Variants in ANK1 observed in about 807,000 individuals in gnomAD.
ANK1 encodes ankyrin-1.
A neutral mutation model predicts 210.4 loss-of-function variants in ANK1; 51 were observed. That is an observed-to-expected ratio of 0.24 (90% CI 0.19 to 0.31). The LOEUF is 0.31. ANK1 is among the 10% of genes least tolerant of loss of function. The pLI is 1.00. For synonymous variants in ANK1, 967 were observed against 1,025.9 expected, an observed-to-expected ratio of 0.94 and a Z score of 1.10; for missense variants, 2,051 against 2,504.4, an observed-to-expected ratio of 0.82 and a Z score of 3.86.
At chr8:41,784,548 T>C (rs985011998) in intron 1 of ANK1, among the ~76,000 whole-genome samples, 1 of 152,258 alleles carries the variant, frequency 6.6e-6, no homozygotes, top group East Asian at 1.9e-4. Flanking sequence ...CTGACAAATA[T>C]GAAAGGCAAG....
chr8:41,800,645 A>G (rs1244921025), upstream of ANK1, among the ~76,000 whole-genome samples: 1 of 152,124 alleles, frequency 6.6e-6, no homozygotes, highest in African/African-American at 2.4e-5. Context: ...CCTCCCCAAC[A>G]GAGATGGAAA....
At chr8:41,680,894 C>T (rs1024899457) in intron 37 of ANK1, among the ~76,000 whole-genome samples, 2 of 152,244 alleles carry the variant, frequency 1.3e-5, no homozygotes, top group African/African-American at 4.8e-5. Context: ...GAATGTCTGT[C>T]TCTCTGGTAG....
intron 1 of ANK1, among the ~76,000 whole-genome samples, chr8:41,842,548 AG>A (rs1418342553): frequency 6.6e-6 from 1 of 152,182 alleles, no homozygotes; most frequent in African/African-American, 2.4e-5. Flanking sequence ...TCTTAGCACA[AG>A]CAACCATGGG....
chr8:41,762,215 C>T (rs1352343414), intron 1 of ANK1, among the ~76,000 whole-genome samples: 2 of 152,198 alleles, frequency 1.3e-5, no homozygotes, highest in Admixed American at 6.5e-5. Context: ...TTCCTCCTCC[C>T]TGGGCCCTGA....
chr8:41,858,182 T>C (rs901287795), intron 1 of ANK1, among the ~76,000 whole-genome samples: 7 of 150,410 alleles, frequency 4.7e-5, no homozygotes, highest in Non-Finnish European at 7.4e-5. Context: ...CAGTGAGCTA[T>C]GACTGTGCCA....
intron 1 of ANK1, among the ~76,000 whole-genome samples, chr8:41,769,473 C>A (rs1249389461): frequency 1.3e-5 from 2 of 152,172 alleles, no homozygotes; most frequent in African/African-American, 2.4e-5. Flanking sequence ...TCAAGGGATT[C>A]TAATGCACTG....
At chr8:41,665,475 C>G in intron 39 of ANK1, 1 of 354,874 alleles carries the variant, frequency 2.8e-6, no homozygotes, top group South Asian at 2.1e-5. Context: ...GGCCTCTCAC[C>G]TATCCTGCCC....
chr8:41,667,695 AGAG>A (rs1443371440), intron 39 of ANK1, among the ~76,000 whole-genome samples: 1 of 152,170 alleles, frequency 6.6e-6, no homozygotes, highest in African/African-American at 2.4e-5. Context: ...CAGGAGCAGG[AGAG>A]GAGACTTCTC....
At chr8:41,867,476 C>G (rs1424284259) in intron 1 of ANK1, among the ~76,000 whole-genome samples, 1 of 152,156 alleles carries the variant, frequency 6.6e-6, no homozygotes, top group Non-Finnish European at 1.5e-5. Flanking sequence ...ACAGAAGGGT[C>G]CTGGACCTGA....
intron 1 of ANK1, among the ~76,000 whole-genome samples, chr8:41,893,972 C>T (rs1238475947): frequency 1.3e-5 from 2 of 152,154 alleles, no homozygotes; most frequent in African/African-American, 4.8e-5. Context: ...TCTTCAAATG[C>T]TCCTTTCTGC....
intron 21 of ANK1, 101 bp from the exon 22 acceptor site, chr8:41,701,723 A>C: frequency 8.1e-7 from 1 of 1,240,218 alleles, no homozygotes; most frequent in Non-Finnish European, 1.2e-6. Flanking sequence ...TTTCCCACAA[A>C]TGAAGAAAAA....
At chr8:41,698,585 G>A (rs995777446) in intron 23 of ANK1, among the ~76,000 whole-genome samples, 5 of 152,118 alleles carry the variant, frequency 3.3e-5, no homozygotes, top group Admixed American at 6.5e-5. Context: ...CTACAAAGTC[G>A]TTGATATTAG....
intron 1 of ANK1, among the ~76,000 whole-genome samples, chr8:41,865,172 C>T (rs1015703102): frequency 9.2e-5 from 14 of 152,210 alleles, no homozygotes; most frequent in Admixed American, 8.5e-4. Context: ...CACTGACTCA[C>T]CCATCTCGCG....
chr8:41,724,638 G>A (rs1299094191), intron 6 of ANK1, 84 bp from the exon 7 acceptor site: 5 of 1,288,382 alleles, frequency 3.9e-6, no homozygotes, highest in East Asian at 2.5e-5. Context: ...GGAAACTCAG[G>A]TGGGGCAACA....
At chr8:41,690,446 G>T (rs369082960) in intron 32 of ANK1, 28 bp downstream of exon 32, 11 of 1,614,086 alleles carry the variant, frequency 6.8e-6, no homozygotes, top group Non-Finnish European at 9.3e-6. Flanking sequence ...TAGACCCAGA[G>T]GAGAACTCAG....
intron 1 of ANK1, among the ~76,000 whole-genome samples, chr8:41,806,613 G>A (rs968681120): frequency 2.0e-5 from 3 of 152,164 alleles, no homozygotes; most frequent in African/African-American, 4.8e-5. Flanking sequence ...CGGGAAACAG[G>A]AGAATTGCTC....
intron 1 of ANK1, among the ~76,000 whole-genome samples, chr8:41,871,170 C>T (rs920321022): frequency 3.3e-5 from 5 of 152,200 alleles, no homozygotes; most frequent in African/African-American, 4.8e-5. Context: ...GCCTTCCCAT[C>T]GCCCCTGCAT....
At chr8:41,880,142 G>T (rs1163333025) in intron 1 of ANK1, among the ~76,000 whole-genome samples, 1 of 152,184 alleles carries the variant, frequency 6.6e-6, no homozygotes, top group African/African-American at 2.4e-5. Context: ...AAAACATTTT[G>T]TAATGCATGA....
At position 41,668,402 on chromosome 8, in the gene ANK1, G is replaced by A. The variant is rs950137735; in HGVS notation, c.5259C>T (p.Val1753=). The A allele has an allele frequency of 6.2e-7, 1 of 1,614,110 alleles. No homozygotes were observed. Among genetic ancestry groups the A allele is most frequent in the African/African-American group, 1.3e-5 (1 of 74,938 alleles). ...ACGTGTGCTCACTTACAGACACCAGGACCTTCTCGTACTCCTGAGATCCAC... is the reference window on the plus strand; with the variant it reads ...ACGTGTGCTCACTTACAGACACCAGAACCTTCTCGTACTCCTGAGATCCAC... ...EPGGSQEYEK[V]LVSVSEHTWT... Residue 1753 remains valine, a synonymous_variant, in exon 39 of 43, where the codon GTC becomes GTT. Transcript: ENST00000289734.
Sources: allele counts gnomAD v4.1 joint callset (sites outside exome capture counted in the v4.1 genomes callset), GRCh38; gene constraint gnomAD v4.1.1; transcripts MANE v1.5; gene names NCBI Gene and HGNC (gene_info 2026-07-23, HGNC 2026-07-21).